Variants in IL1RAPL1 observed in about 807,000 individuals in gnomAD.
The protein encoded by IL1RAPL1 is interleukin 1 receptor accessory protein like 1.
A neutral mutation model predicts 48.4 loss-of-function variants in IL1RAPL1; 3 were observed. The ratio of observed to expected loss-of-function variants is 0.06; its 90% CI spans 0.03 to 0.16. The LOEUF is 0.16. Among genes scored for constraint, IL1RAPL1 ranks in the 10% least tolerant of loss-of-function variants. The pLI is 1.00. For synonymous variants in IL1RAPL1, 185 were observed against 187.7 expected (o/e 0.99, Z 0.12); for missense variants, 349 against 530.6 (o/e 0.66, Z 3.36).
At chrX:28,927,602 C>A (rs1404934049) in intron 2 of IL1RAPL1, among the ~76,000 whole-genome samples, 1 of 109,450 alleles carries the variant, frequency 9.1e-6, no homozygotes, top group Non-Finnish European at 1.9e-5. Context: ...GTTTTCTTTC[C>A]TCCTTTCCTT....
At chrX:29,802,113 T>C (rs1352806601) in intron 6 of IL1RAPL1, among the ~76,000 whole-genome samples, 1 of 111,770 alleles carries the variant, frequency 8.9e-6, no homozygotes, top group Non-Finnish European at 1.9e-5. Context: ...GTGGGGGCCA[T>C]TGGCCAAAGT....
intron 2 of IL1RAPL1, among the ~76,000 whole-genome samples, chrX:28,817,537 C>T (rs1477994714): frequency 9.0e-6 from 1 of 111,367 alleles, no homozygotes; most frequent in Non-Finnish European, 1.9e-5. Context: ...AGAGACATTT[C>T]TGAACCAATT....
chrX:29,129,039 C>CTTTTTTT (rs62772160), intron 2 of IL1RAPL1, among the ~76,000 whole-genome samples: 8 of 62,359 alleles, frequency 1.3e-4, no homozygotes, highest in African/African-American at 3.8e-4. Flanking sequence ...TACCTAGAAT[C>CTTTTTTT]TTTTTTTTTT....
chrX:29,510,509 C>T (rs1159968471), intron 5 of IL1RAPL1, among the ~76,000 whole-genome samples: 3 of 112,035 alleles, frequency 2.7e-5, no homozygotes, highest in Non-Finnish European at 5.6e-5. Flanking sequence ...CAAAATATTT[C>T]CCAATTAGAC....
intron 2 of IL1RAPL1, among the ~76,000 whole-genome samples, chrX:28,823,360 G>A (rs899879147): frequency 9.0e-6 from 1 of 110,964 alleles, no homozygotes; most frequent in Non-Finnish European, 1.9e-5. Flanking sequence ...CTCCTTGATT[G>A]CCCTCTCATT....
intron 1 of IL1RAPL1, among the ~76,000 whole-genome samples, chrX:28,657,146 G>T (rs185841494): frequency 1.8e-5 from 2 of 111,240 alleles, no homozygotes; most frequent in African/African-American, 6.6e-5. Context: ...AGGGCTGTAC[G>T]TATAGTAGAT....
At chrX:29,782,886 ACATT>A in intron 6 of IL1RAPL1, among the ~76,000 whole-genome samples, 1 of 77,928 alleles carries the variant, frequency 1.3e-5, no homozygotes, top group African/African-American at 5.4e-5. Flanking sequence ...GTTGATCGTG[ACATT>A]TTTTTTTTTT....
intron 6 of IL1RAPL1, among the ~76,000 whole-genome samples, chrX:29,915,523 C>G (rs895444692): frequency 9.0e-6 from 1 of 110,998 alleles, no homozygotes; most frequent in African/African-American, 3.3e-5. Flanking sequence ...TACTCATGCC[C>G]TAGTTTAGAA....
intron 6 of IL1RAPL1, among the ~76,000 whole-genome samples, chrX:29,832,801 T>A (rs138301460): frequency 9.3e-6 from 1 of 108,028 alleles, no homozygotes; most frequent in Non-Finnish European, 1.9e-5. Flanking sequence ...GATCTATTCA[T>A]GGTTTAAAGC....
chrX:29,668,383 G>A (rs755582081), intron 5 of IL1RAPL1, 47 bp from the exon 6 acceptor site: 6 of 1,040,145 alleles, frequency 5.8e-6, no homozygotes, highest in African/African-American at 1.9e-5. Context: ...TTAGTTTTAT[G>A]CAGCATAACT....
intron 6 of IL1RAPL1, among the ~76,000 whole-genome samples, chrX:29,816,442 T>C (rs1930494725): frequency 9.2e-6 from 1 of 109,196 alleles, no homozygotes; most frequent in Non-Finnish European, 1.9e-5. Context: ...AACCTACCAA[T>C]GAAAAAAAGC....
At chrX:28,726,211 A>T (rs908794821) in intron 1 of IL1RAPL1, among the ~76,000 whole-genome samples, 3 of 112,042 alleles carry the variant, frequency 2.7e-5, no homozygotes, top group Non-Finnish European at 5.6e-5. Context: ...TATTTTTCTC[A>T]TGTGTAAAAT....
intron 3 of IL1RAPL1, among the ~76,000 whole-genome samples, chrX:29,351,986 A>G (rs1933236315): frequency 8.9e-6 from 1 of 112,137 alleles, no homozygotes; most frequent in South Asian, 3.7e-4. Context: ...TTAATGTTCC[A>G]TTAAATCTCT....
intron 3 of IL1RAPL1, among the ~76,000 whole-genome samples, chrX:29,307,706 ACTTAT>A (rs1932646940): frequency 8.9e-6 from 1 of 112,247 alleles, no homozygotes; most frequent in African/African-American, 3.2e-5. Flanking sequence ...ATATCTAAGC[ACTTAT>A]CTTATTGCAC....
rs190662418 is a variant in IL1RAPL1, at chrX:28,939,575, G to A, written c.82+150150G>A. Among the ~76,000 whole-genome samples, 110 of 110,515 alleles carry A rather than the reference G, an allele frequency of 1.0e-3. 2 individuals are homozygous for A. The highest frequency in any genetic ancestry group is 3.3e-3 in the African/African-American group (101 of 30,595). ...AGAGGATTACAAAAAAATAACGATT[G>A]TTTACTACGTTTAGTACCTGGGCCA... On this transcript the variant is annotated intron_variant, in intron 2 of 10. Coordinates refer to ENST00000378993, the MANE Select transcript of IL1RAPL1 (RefSeq NM_014271.4).
At chrX:28,951,296 T>A (rs1924458509) in intron 2 of IL1RAPL1, among the ~76,000 whole-genome samples, 1 of 110,040 alleles carries the variant, frequency 9.1e-6, no homozygotes, top group African/African-American at 3.3e-5. Context: ...GGATGCAAAT[T>A]TGAAGGGAAT....
intron 2 of IL1RAPL1, among the ~76,000 whole-genome samples, chrX:29,195,525 T>C (rs1380715189): frequency 1.8e-5 from 2 of 108,298 alleles, no homozygotes; most frequent in African/African-American, 6.7e-5. Flanking sequence ...ACCAATATCG[T>C]CCAAAAGTTT....
intron 2 of IL1RAPL1, among the ~76,000 whole-genome samples, chrX:29,096,570 G>T (rs774574938): frequency 8.4e-4 from 93 of 111,243 alleles, no homozygotes; most frequent in Admixed American, 2.3e-3. Flanking sequence ...CTTACATAAT[G>T]AAATTTGATC....
chrX:29,297,621 G>T (rs953161028), intron 3 of IL1RAPL1, among the ~76,000 whole-genome samples: 1 of 111,984 alleles, frequency 8.9e-6, no homozygotes, highest in Middle Eastern at 4.7e-3. Context: ...CACTGTAGGG[G>T]TTGCTTAGTT....
Sources: gnomAD v4.1 joint callset for allele counts (sites outside exome capture counted in the v4.1 genomes callset) on GRCh38, gnomAD v4.1.1 for gene constraint, MANE v1.5 for transcripts, NCBI Gene and HGNC (gene_info 2026-07-23, HGNC 2026-07-21) for gene names.